C2CD5: variants seen among roughly 807,000 people sequenced by gnomAD.
C2CD5 encodes C2 calcium dependent domain containing 5.
Under a neutral mutation model 130.3 loss-of-function variants are expected in C2CD5, and 109 were observed. The observed-to-expected ratio is 0.84, with a 90% CI of 0.72 to 0.98. C2CD5 has a LOEUF of 0.98. Among genes scored for constraint, C2CD5 ranks in the 50% least tolerant of loss-of-function variants. The pLI is 0.00. For synonymous variants in C2CD5, 454 were observed against 429.2 expected (o/e 1.06, Z -0.71); for missense variants, 996 against 1,261.8 (o/e 0.79, Z 3.19).
intron 2 of C2CD5, among the ~76,000 whole-genome samples, chr12:22,536,842 G>A (rs1296291569): frequency 1.3e-5 from 2 of 152,052 alleles, no homozygotes; most frequent in African/African-American, 4.8e-5. Flanking sequence ...AGTATTACTT[G>A]CATAATTTTT....
intron 22 of C2CD5, among the ~76,000 whole-genome samples, chr12:22,465,779 T>A (rs1485060909): frequency 6.6e-6 from 1 of 152,148 alleles, no homozygotes; most frequent in East Asian, 1.9e-4. Flanking sequence ...AAATTTGCTA[T>A]AGCTATCATT....
At chr12:22,524,216 C>T (rs1302769951) in intron 6 of C2CD5, among the ~76,000 whole-genome samples, 2 of 152,084 alleles carry the variant, frequency 1.3e-5, no homozygotes, top group African/African-American at 2.4e-5. Flanking sequence ...CCTTCCTGAA[C>T]GCCCCTTGCT....
chr12:22,514,222 C>T (rs575754327), intron 8 of C2CD5, among the ~76,000 whole-genome samples: 74 of 152,182 alleles, frequency 4.9e-4, no homozygotes, highest in African/African-American at 1.6e-3. Flanking sequence ...CCTTTCAAAA[C>T]GTAAGATGCA....
chr12:22,520,422 A>G (rs1950169279), intron 7 of C2CD5, among the ~76,000 whole-genome samples: 1 of 152,112 alleles, frequency 6.6e-6, no homozygotes, highest in Admixed American at 6.5e-5. Context: ...AGTCCTTCCT[A>G]AGGTCTACAG....
At chr12:22,519,981 G>A (rs1483028375) in intron 7 of C2CD5, among the ~76,000 whole-genome samples, 1 of 151,988 alleles carries the variant, frequency 6.6e-6, no homozygotes, top group Admixed American at 6.6e-5. Flanking sequence ...AATTTTATAA[G>A]ATATCAACAT....
intron 1 of C2CD5, 70 bp downstream of exon 1, chr12:22,544,250 A>C: frequency 8.2e-7 from 1 of 1,222,554 alleles, no homozygotes; most frequent in Non-Finnish European, 1.1e-6. Flanking sequence ...CGCGCGGGGT[A>C]ACTGACAGCG....
intron 2 of C2CD5, among the ~76,000 whole-genome samples, chr12:22,540,874 A>G (rs111363281): frequency 5.3e-5 from 8 of 152,290 alleles, no homozygotes; most frequent in African/African-American, 1.9e-4. Flanking sequence ...AATAATAATG[A>G]TAACAACAAA....
intron 10 of C2CD5, chr12:22,502,664 G>T: frequency 1.3e-6 from 1 of 768,084 alleles, no homozygotes; most frequent in South Asian, 1.6e-5. Context: ...ACTTCATCTA[G>T]AACATTTCTA....
intron 9 of C2CD5, among the ~76,000 whole-genome samples, chr12:22,512,174 C>T (rs1389380680): frequency 6.6e-6 from 1 of 152,164 alleles, no homozygotes; most frequent in African/African-American, 2.4e-5. Context: ...GCTCTGCTCT[C>T]TTCAGCCTTC....
At chr12:22,456,214 T>G (rs2135987048) in intron 25 of C2CD5, among the ~76,000 whole-genome samples, 1 of 152,280 alleles carries the variant, frequency 6.6e-6, no homozygotes, top group Non-Finnish European at 1.5e-5. Context: ...TGAATATACT[T>G]TTTAAAAATA....
chr12:22,452,701 G>A (rs1938964536), intron 26 of C2CD5, among the ~76,000 whole-genome samples: 1 of 151,568 alleles, frequency 6.6e-6, no homozygotes, highest in Non-Finnish European at 1.5e-5. Flanking sequence ...AAACTATCAA[G>A]AAAACCTGAA....
intron 15 of C2CD5, chr12:22,477,898 A>G (rs1357869972): frequency 6.4e-6 from 1 of 156,960 alleles, no homozygotes; most frequent in Non-Finnish European, 1.4e-5. Context: ...ATCATTCAAC[A>G]AATACTAAGA....
chr12:22,461,165 A>T (rs1164207954), intron 22 of C2CD5, among the ~76,000 whole-genome samples: 3 of 152,166 alleles, frequency 2.0e-5, no homozygotes, highest in African/African-American at 7.2e-5. Context: ...CTCAGCACAG[A>T]AACAGACTCA....
chr12:22,457,057 G>A lies in C2CD5; in HGVS notation c.2791C>T (p.Leu931Phe). The A allele has an allele frequency of 6.2e-7, 1 of 1,611,026 alleles. No individual in the cohort carries two copies. The highest frequency in any genetic ancestry group is 8.5e-7 in the Non-Finnish European group (1 of 1,177,774). The change falls in exon 25 of 27, where the codon CTT (leucine) becomes TTT (phenylalanine). Residue 931 changes from leucine (L) to phenylalanine (F), a missense_variant. Coordinates refer to ENST00000446597, the MANE Select transcript of C2CD5 (RefSeq NM_001286176.2). ...STVGVVKMTP[L>F]SFIPGAKITK... is the part of the protein sequence containing the mutation. ...ATTTTTGCTCCAGGAATAAAAGAAA[G>A]AGGTGTCATCTTAACAACCCCAACT...
At chr12:22,505,299 C>A (rs1368872508) in intron 10 of C2CD5, among the ~76,000 whole-genome samples, 3 of 147,490 alleles carry the variant, frequency 2.0e-5, no homozygotes, top group African/African-American at 7.6e-5. Flanking sequence ...CTCTTGTCGC[C>A]CAGGCTGGAG....
intron 22 of C2CD5, among the ~76,000 whole-genome samples, chr12:22,468,338 C>T (rs1942449044): frequency 6.6e-6 from 1 of 152,120 alleles, no homozygotes; most frequent in Non-Finnish European, 1.5e-5. Context: ...CCCACCTCAG[C>T]CTCCCACGGA....
rs200508356 is a variant in C2CD5 at position 22,471,498 on chromosome 12, A to G, written c.2269-10T>C. 1.5e-3 allele frequency: 2,112 copies of G among 1,428,864 alleles called. 22 individuals are homozygous for G. Among genetic ancestry groups the G allele is most frequent in the South Asian group, 9.5e-3 (717 of 75,292 alleles). 88.5% of individuals were successfully genotyped at this position (1,428,864 alleles called of 1,614,324 possible). A position where few individuals can be genotyped will look rare whatever the true frequency, so the allele number is the denominator to read the frequency against. ...GTTTAAAGTACAGGCTCTACACAAT[A>G]GAAAATATTAGTAATGTCACTTTTT... On this transcript the variant is annotated splice_polypyrimidine_tract_variant and intron_variant, in intron 19 of 26. Coordinates refer to ENST00000446597, the MANE Select transcript of C2CD5 (RefSeq NM_001286176.2).
chr12:22,528,387 T>G (rs1177151439), intron 3 of C2CD5, among the ~76,000 whole-genome samples: 3 of 152,180 alleles, frequency 2.0e-5, no homozygotes, highest in African/African-American at 4.8e-5. Flanking sequence ...GATATAAACA[T>G]CTACCCTCTC....
intron 22 of C2CD5, among the ~76,000 whole-genome samples, chr12:22,468,107 G>C (rs959495166): frequency 1.3e-5 from 2 of 149,252 alleles, no homozygotes; most frequent in African/African-American, 4.9e-5. Context: ...GCAGGATAAG[G>C]ATAAATGAAA....
Sources: gnomAD v4.1 joint callset for allele counts (sites outside exome capture counted in the v4.1 genomes callset) on GRCh38, gnomAD v4.1.1 for gene constraint, MANE v1.5 for transcripts, NCBI Gene and HGNC (gene_info 2026-07-23, HGNC 2026-07-21) for gene names.